The following ITGA2 variants were observed in gnomAD, a reference collection of about 807,000 sequenced individuals.
The protein encoded by ITGA2 is integrin alpha-2.
A neutral mutation model predicts 146.3 loss-of-function variants in ITGA2; 101 were observed. That is an observed-to-expected ratio of 0.69 (90% CI 0.59 to 0.81). The LOEUF is 0.81. Ranked by LOEUF, ITGA2 falls within the 40% of genes least tolerant of loss-of-function variation. The pLI, the probability that ITGA2 is intolerant of heterozygous loss-of-function variation, is 0.00. For missense variants in ITGA2, 1,281 were observed against 1,402.7 expected, an observed-to-expected ratio of 0.91 and a Z score of 1.39; for synonymous variants, 477 against 487.1, an observed-to-expected ratio of 0.98 and a Z score of 0.27.
intron 6 of ITGA2, among the ~76,000 whole-genome samples, chr5:53,049,235 CT>C (rs1402055841): frequency 5.0e-5 from 6 of 121,020 alleles, no homozygotes; most frequent in Non-Finnish European, 1.1e-4. Context: ...TGGCCTTGAA[CT>C]CCTGACCTCA....
intron 4 of ITGA2, among the ~76,000 whole-genome samples, chr5:53,047,727 C>T (rs1160087002): frequency 6.6e-6 from 1 of 152,136 alleles, no homozygotes. Context: ...CTTCATTCAC[C>T]ATGATGTCTA....
intron 6 of ITGA2, among the ~76,000 whole-genome samples, chr5:53,050,810 A>G (rs2111921795): frequency 6.6e-6 from 1 of 152,356 alleles, no homozygotes; most frequent in Middle Eastern, 3.4e-3. Context: ...TTTCTCTGAA[A>G]GCCAGAAACT....
rs764822498 is a variant in ITGA2, at chr5:53,090,563, A to C, written c.3510A>C (p.Pro1170=). 6.2e-7 allele frequency: 1 copy of C among 1,614,166 alleles called. No individual in the cohort carries two copies. The highest frequency in any genetic ancestry group is 1.3e-5 in the African/African-American group (1 of 75,054). ...KRKYEKMTKN[P]DEIDETTELS... ...AATATGAAAAGATGACCAAAAATCC[A>C]GATGAGATTGATGAGACCACAGAGC... Residue 1170 remains proline, a synonymous_variant, in exon 30 of 30, where the codon CCA becomes CCC. Coordinates refer to ENST00000296585, the MANE Select transcript of ITGA2 (RefSeq NM_002203.4).
intron 17 of ITGA2, 51 bp downstream of exon 17, chr5:53,070,311 A>G (rs754540490): frequency 6.3e-7 from 1 of 1,593,936 alleles, no homozygotes; most frequent in Admixed American, 1.7e-5. Flanking sequence ...TAAAGACGAG[A>G]GAGTGGTAAA....
chr5:53,018,617 G>T (rs71633446), intron 1 of ITGA2, among the ~76,000 whole-genome samples: 1 of 152,040 alleles, frequency 6.6e-6, no homozygotes, highest in Non-Finnish European at 1.5e-5. Context: ...AGGTTTCTTC[G>T]GGCTGCCTCT....
At position 53,062,837 on chromosome 5, in the gene ITGA2, A is replaced by C. The variant is rs1274104305; in HGVS notation, c.1510A>C (p.Thr504Pro). 6.2e-7 allele frequency: 1 copy of C among 1,611,684 alleles called. No individual in the cohort carries two copies. The highest frequency in any genetic ancestry group is 1.3e-5 in the African/African-American group (1 of 74,724). The change falls in exon 13 of 30, where the codon ACC becomes CCC. Residue 504 changes from threonine to proline, a missense_variant. By Grantham distance (38) the Thr-to-Pro change is conservative. Coordinates refer to ENST00000296585, the MANE Select transcript of ITGA2 (RefSeq NM_002203.4). ...GTGTTCAGTTGATGTGGATAAAGACACCATTACAGACGTGCTCTTGGTAGG... is the reference window on the plus strand; with the variant it reads ...GTGTTCAGTTGATGTGGATAAAGACCCCATTACAGACGTGCTCTTGGTAGG... The part of the protein sequence containing the change: ...VLCSVDVDKD[T>P]ITDVLLVGAP...
At position 53,092,569 on chromosome 5, in the gene ITGA2, C is replaced by G. The variant is rs1740480151; in HGVS notation, c.*1970C>G. 5 of 151,440 alleles carry G rather than the reference C, an allele frequency of 3.3e-5. No individual in the cohort carries two copies. In the South Asian group the frequency reaches 1.0e-3, roughly 32 times the overall value. The allele number at this position is 151,440 out of a possible 1,614,324, so 9.4% of individuals were successfully genotyped here. On this transcript the variant is annotated 3_prime_UTR_variant, in exon 30 of 30. Transcript: ENST00000296585. The stretch of plus-strand genomic sequence containing the variant: ...ATTCTCCAGTTAGGTATGCCAGAGT[C>G]CAATTCTTTTAACAGCTGTGAGAAT...
chr5:53,048,324 T>C (rs753664449), intron 4 of ITGA2, 39 bp from the exon 5 acceptor site: 3 of 1,487,776 alleles, frequency 2.0e-6, no homozygotes, highest in Non-Finnish European at 2.8e-6. Flanking sequence ...TTTGCATTTT[T>C]CATGTGTTTC....
intron 27 of ITGA2, among the ~76,000 whole-genome samples, chr5:53,084,503 C>T (rs947498281): frequency 4.6e-5 from 7 of 152,056 alleles, no homozygotes; most frequent in South Asian, 2.1e-4. Context: ...TAGAAGAAAA[C>T]GGAATAGTAA....
chr5:53,072,993 C>A, intron 19 of ITGA2, 125 bp from the exon 20 acceptor site: 1 of 931,084 alleles, frequency 1.1e-6, no homozygotes, highest in Non-Finnish European at 1.7e-6. Flanking sequence ...GTTTATTACA[C>A]AGCAATTTTC....
chr5:53,030,248 A>G (rs1743161956), intron 2 of ITGA2, among the ~76,000 whole-genome samples: 1 of 152,228 alleles, frequency 6.6e-6, no homozygotes, highest in Non-Finnish European at 1.5e-5. Context: ...TTTGTAGTTT[A>G]TAGTGAGATC....
intron 26 of ITGA2, among the ~76,000 whole-genome samples, chr5:53,082,625 G>A (rs778575627): frequency 4.0e-5 from 6 of 151,850 alleles, no homozygotes; most frequent in South Asian, 2.1e-4. Flanking sequence ...TCAAAATCCC[G>A]CACAAGAGTG....
chr5:53,062,867 C>T lies in ITGA2; in HGVS notation c.1540C>T (p.Pro514Ser). 1.9e-6 allele frequency: 3 copies of T among 1,610,396 alleles called. No homozygotes were observed. Among genetic ancestry groups the T allele is most frequent in the Non-Finnish European group, 2.5e-6 (3 of 1,178,186 alleles). Reference sequence around the variant, plus strand: ...TACAGACGTGCTCTTGGTAGGTGCACCAATGTACATGAGTGACCTAAAGAA... The same window carrying T: ...TACAGACGTGCTCTTGGTAGGTGCATCAATGTACATGAGTGACCTAAAGAA... ...TITDVLLVGA[P>S]MYMSDLKKEE... Residue 514 changes from proline (P) to serine (S), a missense_variant, in exon 13 of 30, where the codon CCA becomes TCA. Physicochemically the swap from Pro to Ser is moderately conservative, Grantham distance 74 (BLOSUM62 -1). Coordinates refer to ENST00000296585, the MANE Select transcript of ITGA2 (RefSeq NM_002203.4).
intron 2 of ITGA2, among the ~76,000 whole-genome samples, chr5:53,027,413 T>C (rs1175462370): frequency 6.6e-6 from 1 of 152,220 alleles, no homozygotes; most frequent in Non-Finnish European, 1.5e-5. Flanking sequence ...TAACACCTTT[T>C]GTTTTTGCCC....
At chr5:53,060,799 C>T (rs2111961787) in intron 11 of ITGA2, 102 bp from the exon 12 acceptor site, 1 of 1,116,814 alleles carries the variant, frequency 9.0e-7, no homozygotes, top group Non-Finnish European at 1.4e-6. Flanking sequence ...CTTTGCATCA[C>T]ATCTAACACA....
rs181593531 is a variant in ITGA2 at position 53,020,211 on chromosome 5, A to C, written c.65-6537A>C. Among the ~76,000 whole-genome samples, 181 of 152,356 alleles carry C rather than the reference A, an allele frequency of 1.2e-3. 2 individuals are homozygous for C. In the South Asian group the frequency reaches 0.027, roughly 23 times the overall value. On this transcript the variant is annotated intron_variant, in intron 1 of 29. Coordinates refer to ENST00000296585, the MANE Select transcript of ITGA2 (RefSeq NM_002203.4). Reference sequence around the variant, plus strand: ...AATCTGTTTATTAACTGTGTGTATAAATTCATTAGTTTTGTATTATGGACA... The same window carrying C: ...AATCTGTTTATTAACTGTGTGTATACATTCATTAGTTTTGTATTATGGACA...
At chr5:53,025,118 C>A (rs1415971649) in intron 1 of ITGA2, among the ~76,000 whole-genome samples, 1 of 152,066 alleles carries the variant, frequency 6.6e-6, no homozygotes, top group Non-Finnish European at 1.5e-5. Context: ...AAGGTGAAAG[C>A]AGTTTGGCAT....
chr5:53,048,356 T>G lies in ITGA2; in HGVS notation c.388-7T>G. ...TTTCCATTGATTGTTTTCTCATTTC[T>G]TTGAAGACATGTGGTCCTCTGTGGG... On this transcript the variant is annotated splice_region_variant and splice_polypyrimidine_tract_variant and intron_variant, in intron 4 of 29. Transcript: ENST00000296585. 1 of 1,608,462 alleles carries G rather than the reference T, an allele frequency of 6.2e-7. No homozygotes were observed. The highest frequency in any genetic ancestry group is 8.5e-7 in the Non-Finnish European group (1 of 1,174,798).
rs757136835 is a variant in ITGA2, at chr5:53,062,792, T to G, written c.1465T>G (p.Ser489Ala). ...IQAHRGDQIG[S>A]YFGSVLCSVD... The stretch of plus-strand genomic sequence containing the variant: ...ACATGTTTTATTACTCCAGATTGGC[T>G]CCTATTTTGGTAGTGTGCTGTGTTC... The change falls in exon 13 of 30, where the codon TCC becomes GCC. Residue 489 changes from serine (S) to alanine (A), a missense_variant. Around this residue, in one of 3 missense-constraint regions of ITGA2, gnomAD observed 795 missense variants for 841.7 expected, o/e 0.94. Coordinates refer to ENST00000296585, the MANE Select transcript of ITGA2 (RefSeq NM_002203.4). The G allele has an allele frequency of 1.2e-6, 2 of 1,611,524 alleles. No individual in the cohort carries two copies. The highest frequency in any genetic ancestry group is 1.7e-6 in the Non-Finnish European group (2 of 1,178,142).
Sources: gnomAD v4.1 joint callset for allele counts (sites outside exome capture counted in the v4.1 genomes callset) on GRCh38, gnomAD v4.1.1 for gene constraint, gnomAD v4.1.1 regional missense constraint, MANE v1.5 for transcripts, NCBI Gene and HGNC (gene_info 2026-07-23, HGNC 2026-07-21) for gene names.